The following EYS variants were observed in gnomAD, a reference collection of about 807,000 sequenced individuals.
EYS encodes the protein protein eyes shut homolog.
Under a neutral mutation model 282.1 loss-of-function variants are expected in EYS, and 250 were observed. The observed-to-expected ratio is 0.89, with a 90% CI of 0.80 to 0.98. The LOEUF (loss-of-function observed/expected upper bound fraction) is 0.98. Among genes scored for constraint, EYS ranks in the 50% least tolerant of loss-of-function variants. The probability of loss-of-function intolerance (pLI) is 0.00; values close to 1 mark genes in which losing one functional copy is unlikely to be tolerated. For synonymous variants in EYS, 1,355 were observed against 1,282.9 expected (o/e 1.06, Z -1.20); for missense variants, 4,016 against 3,709.0 (o/e 1.08, Z -2.15).
chr6:65,019,048 C>T lies in EYS; in HGVS notation c.2138-21345G>A, dbSNP rs370426681. Reference sequence around the variant, plus strand: ...CAGAATAAGTGGCATAAATGTAGAACGAGAAAGACTGGGTGCCATATTTTG... The same window carrying T: ...CAGAATAAGTGGCATAAATGTAGAATGAGAAAGACTGGGTGCCATATTTTG... On this transcript the variant is annotated intron_variant, in intron 13 of 42. Coordinates refer to ENST00000503581, the MANE Select transcript of EYS (RefSeq NM_001142800.2). Among the ~76,000 whole-genome samples the T allele has an allele frequency of 3.1e-4, 47 of 152,110 alleles. 1 individual carries two copies. Among genetic ancestry groups the T allele is most frequent in the South Asian group, 2.7e-3 (13 of 4,822 alleles).
At chr6:65,537,555 A>G (rs112330357) in intron 2 of EYS, among the ~76,000 whole-genome samples, 4 of 151,290 alleles carry the variant, frequency 2.6e-5, no homozygotes, top group Admixed American at 6.6e-5. Context: ...CAGAGAGAGA[A>G]AGAGAGAGAG....
intron 12 of EYS, among the ~76,000 whole-genome samples, chr6:65,155,599 C>T (rs541007455): frequency 1.3e-5 from 2 of 151,276 alleles, no homozygotes; most frequent in Non-Finnish European, 3.0e-5. Flanking sequence ...GGTTATTAAC[C>T]CTATAAAATG....
chr6:64,548,439 C>A (rs1309670948), intron 26 of EYS, among the ~76,000 whole-genome samples: 1 of 152,166 alleles, frequency 6.6e-6, no homozygotes, highest in African/African-American at 2.4e-5. Flanking sequence ...AAATGTCCAA[C>A]AATGGTAGAC....
At chr6:64,924,937 A>C (rs1038416916) in intron 15 of EYS, among the ~76,000 whole-genome samples, 6 of 151,954 alleles carry the variant, frequency 3.9e-5, no homozygotes, top group African/African-American at 1.5e-4. Context: ...AACTGTTCCA[A>C]CCTCTGACTA....
At chr6:64,295,467 A>G (rs375526644) in intron 30 of EYS, among the ~76,000 whole-genome samples, 1,929 of 30,274 alleles carry the variant, frequency 0.064, no homozygotes, top group East Asian at 0.079. Flanking sequence ...GAAGAAGAAG[A>G]AGAAGAAGAA....
At chr6:65,694,391 A>ATATT (rs1554224858) in intron 1 of EYS, among the ~76,000 whole-genome samples, 1 of 145,374 alleles carries the variant, frequency 6.9e-6, no homozygotes, top group Non-Finnish European at 1.5e-5. Context: ...GATTCTTCAT[A>ATATT]TTTTTTTTTT....
intron 22 of EYS, among the ~76,000 whole-genome samples, chr6:64,632,491 A>G (rs1192608703): frequency 6.6e-6 from 1 of 151,960 alleles, no homozygotes; most frequent in African/African-American, 2.4e-5. Context: ...GTTTTTACAT[A>G]AGAAACTATA....
At chr6:65,580,875 TC>T (rs1764842195) in intron 2 of EYS, among the ~76,000 whole-genome samples, 1 of 152,066 alleles carries the variant, frequency 6.6e-6, no homozygotes, top group Non-Finnish European at 1.5e-5. Context: ...ATTTTTTATC[TC>T]AAGGTAAGCC....
rs147192911 is a variant in EYS, at chr6:64,443,204, G to C, written c.5645-3852C>G. On this transcript the variant is annotated intron_variant, in intron 26 of 42. Coordinates refer to ENST00000503581, the MANE Select transcript of EYS (RefSeq NM_001142800.2). The stretch of plus-strand genomic sequence containing the variant: ...AGATCATTTTGGAGCTTTAAAATTT[G>C]ACTGCCCTGCTGGATTTTGGACTTG... Among the ~76,000 whole-genome samples, 1,432 of 152,284 alleles carry C rather than the reference G, an allele frequency of 9.4e-3. 27 individuals are homozygous for C. The highest frequency in any genetic ancestry group is 0.033 in the African/African-American group (1,382 of 41,556).
intron 30 of EYS, among the ~76,000 whole-genome samples, chr6:64,252,633 G>A (rs1405081205): frequency 1.3e-5 from 2 of 152,168 alleles, no homozygotes; most frequent in Non-Finnish European, 2.9e-5. Flanking sequence ...GGAGTCTCAT[G>A]TCTAATCTCT....
At chr6:63,988,553 T>A (rs750990758) in intron 34 of EYS, among the ~76,000 whole-genome samples, 7 of 151,670 alleles carry the variant, frequency 4.6e-5, no homozygotes, top group Admixed American at 1.3e-4. Context: ...ATTAAAATGG[T>A]CGACTTCCAT....
chr6:65,646,339 G>A (rs1181975091), intron 1 of EYS, among the ~76,000 whole-genome samples: 1 of 152,070 alleles, frequency 6.6e-6, no homozygotes, highest in African/African-American at 2.4e-5. Flanking sequence ...GATCAAGTGG[G>A]TTTATACCAG....
At chr6:65,201,682 A>C (rs1190928782) in intron 12 of EYS, among the ~76,000 whole-genome samples, 1 of 152,174 alleles carries the variant, frequency 6.6e-6, no homozygotes, top group Non-Finnish European at 1.5e-5. Flanking sequence ...GCCATGGATA[A>C]AGTTTATCTC....
intron 15 of EYS, among the ~76,000 whole-genome samples, chr6:64,944,619 C>T (rs1562269623): frequency 2.0e-5 from 3 of 152,102 alleles, no homozygotes; most frequent in South Asian, 2.1e-4. Flanking sequence ...AAGACCTGAC[C>T]GTCCCCCAGC....
intron 2 of EYS, among the ~76,000 whole-genome samples, chr6:65,615,566 T>C (rs1023589624): frequency 7.9e-5 from 12 of 152,192 alleles, no homozygotes; most frequent in Non-Finnish European, 1.2e-4. Flanking sequence ...AGACCAGATA[T>C]ATATATTTGA....
chr6:65,346,870 T>C (rs369483938), intron 9 of EYS, among the ~76,000 whole-genome samples: 3 of 151,914 alleles, frequency 2.0e-5, no homozygotes, highest in South Asian at 4.1e-4. Context: ...CAAGGTTGTC[T>C]ACTATACACA....
chr6:64,519,790 T>C (rs1777673769), intron 26 of EYS, among the ~76,000 whole-genome samples: 1 of 151,816 alleles, frequency 6.6e-6, no homozygotes, highest in African/African-American at 2.4e-5. Flanking sequence ...GGGATAGTGT[T>C]CCATCCCCAT....
intron 2 of EYS, among the ~76,000 whole-genome samples, chr6:65,572,043 T>C (rs906740195): frequency 1.3e-5 from 2 of 152,066 alleles, no homozygotes; most frequent in Non-Finnish European, 2.9e-5. Context: ...GAAAATCTTC[T>C]CTGGTGAATA....
intron 33 of EYS, among the ~76,000 whole-genome samples, chr6:64,014,753 T>C (rs550850836): frequency 6.6e-6 from 1 of 151,104 alleles, no homozygotes; most frequent in Non-Finnish European, 1.5e-5. Context: ...AAATATCCTT[T>C]GGCTTGGCTT....
Sources: allele counts gnomAD v4.1 joint callset (sites outside exome capture counted in the v4.1 genomes callset), GRCh38; gene constraint gnomAD v4.1.1; transcripts MANE v1.5; gene names NCBI Gene and HGNC (gene_info 2026-07-23, HGNC 2026-07-21).